Variants in NPAS3 observed in about 807,000 individuals in gnomAD.
NPAS3 encodes the protein neuronal PAS domain protein 3, also known as neuronal PAS domain-containing protein 3.
In NPAS3, 14 loss-of-function variants were observed where a neutral mutation model predicts 73.1. The observed-to-expected ratio is 0.19, with a 90% CI of 0.13 to 0.30. NPAS3 has a LOEUF of 0.30. Ranked by LOEUF, NPAS3 falls within the 10% of genes least tolerant of loss-of-function variation. NPAS3 has a pLI of 1.00. For synonymous variants in NPAS3, 620 were observed against 541.5 expected, an observed-to-expected ratio of 1.14 and a Z score of -2.01; for missense variants, 1,096 against 1,250.0, an observed-to-expected ratio of 0.88 and a Z score of 1.86.
intron 3 of NPAS3, among the ~76,000 whole-genome samples, chr14:33,219,715 A>G (rs1189585712): frequency 2.0e-5 from 3 of 152,204 alleles, no homozygotes; most frequent in Admixed American, 2.0e-4. Context: ...TACTAAAGCA[A>G]TGATGTTTAA....
At chr14:33,764,603 T>C (rs924068141) in intron 7 of NPAS3, among the ~76,000 whole-genome samples, 3 of 152,188 alleles carry the variant, frequency 2.0e-5, no homozygotes, top group Non-Finnish European at 4.4e-5. Flanking sequence ...TTTTTTTATA[T>C]AACGTTGTTG....
At chr14:33,213,324 G>A (rs1486504091) in intron 2 of NPAS3, among the ~76,000 whole-genome samples, 4 of 152,154 alleles carry the variant, frequency 2.6e-5, no homozygotes, top group Non-Finnish European at 4.4e-5. Flanking sequence ...AACTTGAACC[G>A]CTGCTCCTTC....
At chr14:33,575,967 G>A (rs577740891) in intron 5 of NPAS3, among the ~76,000 whole-genome samples, 98 of 152,272 alleles carry the variant, frequency 6.4e-4, no homozygotes, top group African/African-American at 2.2e-3. Context: ...TATATTCCTT[G>A]TAGCACCCTC....
At chr14:33,144,207 A>G (rs996411886) in intron 2 of NPAS3, among the ~76,000 whole-genome samples, 2 of 152,142 alleles carry the variant, frequency 1.3e-5, no homozygotes, top group African/African-American at 4.8e-5. Flanking sequence ...GTGCTTGCCA[A>G]TACTTATTTT....
chr14:33,151,935 G>A (rs1773156337), intron 2 of NPAS3, among the ~76,000 whole-genome samples: 1 of 152,148 alleles, frequency 6.6e-6, no homozygotes, highest in South Asian at 2.1e-4. Flanking sequence ...TGTGTGGTGT[G>A]TATTGGATAG....
At chr14:33,075,673 CT>C (rs1383954517) in intron 2 of NPAS3, among the ~76,000 whole-genome samples, 1 of 152,168 alleles carries the variant, frequency 6.6e-6, no homozygotes, top group African/African-American at 2.4e-5. Context: ...GGCCATTGAG[CT>C]GGCAAAAGAG....
At chr14:33,116,525 C>G (rs963262887) in intron 2 of NPAS3, among the ~76,000 whole-genome samples, 1 of 152,196 alleles carries the variant, frequency 6.6e-6, no homozygotes, top group Admixed American at 6.6e-5. Context: ...TAAGACATTA[C>G]TAAGATAAGT....
intron 4 of NPAS3, among the ~76,000 whole-genome samples, chr14:33,553,527 GT>G (rs1189066349): frequency 6.6e-6 from 1 of 152,170 alleles, no homozygotes; most frequent in African/African-American, 2.4e-5. Context: ...CAGAAAAATA[GT>G]CAAATTTAAC....
At chr14:33,676,153 T>C in intron 5 of NPAS3, 58 bp from the exon 6 acceptor site, 1 of 1,554,076 alleles carries the variant, frequency 6.4e-7, no homozygotes, top group South Asian at 1.1e-5. Flanking sequence ...GTGTTGAATT[T>C]GAAAATGGAG....
chr14:33,497,600 G>A (rs371632221), intron 4 of NPAS3, among the ~76,000 whole-genome samples: 1 of 152,052 alleles, frequency 6.6e-6, no homozygotes, highest in African/African-American at 2.4e-5. Context: ...CATGAGGAAA[G>A]GATTACCTAT....
intron 4 of NPAS3, among the ~76,000 whole-genome samples, chr14:33,442,361 G>A (rs545053122): frequency 1.3e-4 from 19 of 151,820 alleles, no homozygotes; most frequent in Non-Finnish European, 2.4e-4. Flanking sequence ...GGAGGATTGC[G>A]TGAGCCCAGG....
chr14:33,126,733 C>G (rs1156317137), intron 2 of NPAS3, among the ~76,000 whole-genome samples: 1 of 152,028 alleles, frequency 6.6e-6, no homozygotes, highest in African/African-American at 2.4e-5. Flanking sequence ...TGGTAGGTTC[C>G]TCTGTCACTT....
intron 5 of NPAS3, among the ~76,000 whole-genome samples, chr14:33,656,460 A>T (rs1055140933): frequency 4.6e-5 from 7 of 152,314 alleles, no homozygotes; most frequent in Middle Eastern, 3.4e-3. Context: ...GAGAGCTGAG[A>T]TTCCAACTCT....
At chr14:33,091,544 C>A (rs148272489) in intron 2 of NPAS3, among the ~76,000 whole-genome samples, 1 of 152,084 alleles carries the variant, frequency 6.6e-6, no homozygotes, top group Non-Finnish European at 1.5e-5. Flanking sequence ...GATTCACAGC[C>A]GAATTCTACC....
At chr14:33,267,699 C>A (rs529478727) in intron 3 of NPAS3, among the ~76,000 whole-genome samples, 1 of 152,240 alleles carries the variant, frequency 6.6e-6, no homozygotes, top group African/African-American at 2.4e-5. Context: ...AAAATATTAT[C>A]TTTTTATATT....
At chr14:33,509,239 T>C (rs973398917) in intron 4 of NPAS3, among the ~76,000 whole-genome samples, 1 of 152,046 alleles carries the variant, frequency 6.6e-6, no homozygotes, top group Non-Finnish European at 1.5e-5. Flanking sequence ...TTTATTCAAC[T>C]TGTTACATTT....
At chr14:33,609,554 G>A (rs896752440) in intron 5 of NPAS3, among the ~76,000 whole-genome samples, 14 of 151,580 alleles carry the variant, frequency 9.2e-5, no homozygotes, top group African/African-American at 1.5e-4. Flanking sequence ...AAAAAAGGAC[G>A]TGAACTGATG....
At chr14:33,740,759 A>C (rs768515470) in intron 7 of NPAS3, among the ~76,000 whole-genome samples, 3 of 152,220 alleles carry the variant, frequency 2.0e-5, no homozygotes, top group Non-Finnish European at 4.4e-5. Flanking sequence ...TCATGTTAGC[A>C]TCACTTATTT....
chr14:33,512,021 C>G (rs546982005), intron 4 of NPAS3, among the ~76,000 whole-genome samples: 1 of 152,134 alleles, frequency 6.6e-6, no homozygotes, highest in African/African-American at 2.4e-5. Context: ...TAGCACCACT[C>G]TATATAGGAA....
Sources: allele counts gnomAD v4.1 joint callset (sites outside exome capture counted in the v4.1 genomes callset), GRCh38; gene constraint gnomAD v4.1.1; transcripts MANE v1.5; gene names NCBI Gene and HGNC (gene_info 2026-07-23, HGNC 2026-07-21).